Variants in GPHN observed in about 807,000 individuals in gnomAD.
GPHN encodes gephyrin.
A neutral mutation model predicts 95.5 loss-of-function variants in GPHN; 17 were observed. That is an observed-to-expected ratio of 0.18 (90% CI 0.12 to 0.27). The LOEUF is 0.27. Ranked by LOEUF, GPHN falls within the 10% of genes least tolerant of loss-of-function variation. The pLI is 1.00. For synonymous variants in GPHN, 320 were observed against 322.5 expected (o/e 0.99, Z 0.08); for missense variants, 660 against 978.1 (o/e 0.67, Z 4.34).
chr14:66,763,208 AT>A (rs34269319), intron 2 of GPHN, among the ~76,000 whole-genome samples: 2,006 of 145,674 alleles, frequency 0.014, 18 homozygotes, highest in African/African-American at 0.016. Flanking sequence ...TATTACAACT[AT>A]TTTTTTTTTA....
chr14:67,335,686 G>C, the GPHN span: 2 of 152,614 alleles, frequency 1.3e-5, no homozygotes, highest in Admixed American at 1.3e-4. Flanking sequence ...CTTAATAAAG[G>C]TAACCTTCTG....
chr14:67,694,585 T>C, the GPHN span, among the ~76,000 whole-genome samples: 9 of 151,662 alleles, frequency 5.9e-5, no homozygotes, highest in South Asian at 1.5e-3. Context: ...CAACTTTTCA[T>C]TGAGATTCTA....
chr14:67,220,302 G>A, the GPHN span, among the ~76,000 whole-genome samples: 1 of 151,708 alleles, frequency 6.6e-6, no homozygotes, highest in Non-Finnish European at 1.5e-5. Context: ...AGTTATCTGG[G>A]CGTGGTAGTG....
At chr14:67,172,824 C>A (rs1164038742) in intron 21 of GPHN, among the ~76,000 whole-genome samples, 1 of 152,194 alleles carries the variant, frequency 6.6e-6, no homozygotes, top group Non-Finnish European at 1.5e-5. Context: ...CTGCACCTGG[C>A]TGCACAAAGT....
chr14:67,337,908 G>C, the GPHN span: 3 of 152,122 alleles, frequency 2.0e-5, no homozygotes, highest in South Asian at 2.1e-4. Flanking sequence ...ACCCCAAAAT[G>C]CAACAGTTGT....
intron 4 of GPHN, among the ~76,000 whole-genome samples, chr14:66,833,830 C>T (rs549547700): frequency 5.9e-5 from 9 of 152,162 alleles, no homozygotes; most frequent in East Asian, 1.9e-4. Context: ...TCAAGACAAT[C>T]GGAATATGTA....
chr14:66,937,412 CCTT>C (rs978188995), intron 8 of GPHN, among the ~76,000 whole-genome samples: 2 of 149,668 alleles, frequency 1.3e-5, no homozygotes, highest in African/African-American at 2.5e-5. Flanking sequence ...GACTGAGTCT[CCTT>C]CTGTCGCCAG....
intron 1 of GPHN, among the ~76,000 whole-genome samples, chr14:66,599,831 C>T (rs2062150395): frequency 6.6e-6 from 1 of 151,872 alleles, no homozygotes; most frequent in African/African-American, 2.4e-5. Flanking sequence ...ATGTGTATAT[C>T]TATATATCTG....
the GPHN span, among the ~76,000 whole-genome samples, chr14:67,232,912 A>G: frequency 1.3e-5 from 2 of 152,292 alleles, no homozygotes; most frequent in South Asian, 4.1e-4. Context: ...TTTAGTCTAA[A>G]TATTTAGTCA....
In GPHN at chr14:67,072,671, A is replaced by G. The variant is rs147317938; in HGVS notation, c.1144+13885A>G. On this transcript the variant is annotated intron_variant, in intron 11 of 22. Transcript: ENST00000478722. ...ATAAGAATGTAACTTAGTTGCAATA[A>G]TCTTTAATACTTTAACTCAATTTTC... is the stretch of plus-strand genomic sequence containing the variant. Among the ~76,000 whole-genome samples, 757 of 152,228 alleles carry G rather than the reference A, an allele frequency of 5.0e-3. 7 individuals are homozygous for G. The highest frequency in any genetic ancestry group is 0.031 in the Middle Eastern group (9 of 294).
intron 3 of GPHN, among the ~76,000 whole-genome samples, chr14:66,804,534 G>T (rs2060474136): frequency 6.6e-6 from 1 of 152,170 alleles, no homozygotes; most frequent in Non-Finnish European, 1.5e-5. Context: ...ATGAGCTTGG[G>T]TTTATTCAAA....
the GPHN span, among the ~76,000 whole-genome samples, chr14:67,654,888 G>A: frequency 6.6e-6 from 1 of 152,038 alleles, no homozygotes; most frequent in Admixed American, 6.6e-5. Flanking sequence ...AATTAGCCGG[G>A]TGTGGTGGCA....
chr14:67,152,291 A>G (rs1447686537), intron 18 of GPHN, among the ~76,000 whole-genome samples: 4 of 152,204 alleles, frequency 2.6e-5, no homozygotes, highest in Admixed American at 6.5e-5. Flanking sequence ...CATAAATGTC[A>G]TATTTACATA....
chr14:67,260,989 C>A, the GPHN span, among the ~76,000 whole-genome samples: 2 of 152,256 alleles, frequency 1.3e-5, no homozygotes, highest in Admixed American at 6.5e-5. Flanking sequence ...TGGAGTCAAG[C>A]AGACTCCAGG....
rs796915654 is a variant in GPHN, at chr14:66,628,019, A to G, written c.65-53088A>G. Among the ~76,000 whole-genome samples the G allele has an allele frequency of 5.9e-5, 9 of 152,252 alleles. 1 individual carries two copies. Among genetic ancestry groups the G allele is most frequent in the African/African-American group, 2.2e-4 (9 of 41,554 alleles). On this transcript the variant is annotated intron_variant, in intron 1 of 22. Coordinates refer to ENST00000478722, the MANE Select transcript of GPHN (RefSeq NM_020806.5). ...TTTTTATTGTCTTTTTGTGCCCTAA[A>G]AAGAGTCAGTCAGCTCTTGGTAGGG...
chr14:66,775,935 AAGAAGC>A (rs2059365553), intron 2 of GPHN, among the ~76,000 whole-genome samples: 1 of 152,198 alleles, frequency 6.6e-6, no homozygotes, highest in African/African-American at 2.4e-5. Flanking sequence ...TACGTAAAAA[AAGAAGC>A]AGAATCAATG....
At chr14:67,586,316 T>G in the GPHN span, 1 of 1,292,062 alleles carries the variant, frequency 7.7e-7, no homozygotes, top group South Asian at 1.2e-5. Context: ...GGGAACTAAC[T>G]CTGGCCTAGC....
At chr14:66,988,416 G>T (rs2071170121) in intron 9 of GPHN, among the ~76,000 whole-genome samples, 1 of 151,794 alleles carries the variant, frequency 6.6e-6, no homozygotes, top group Non-Finnish European at 1.5e-5. Flanking sequence ...GGATGTGAGG[G>T]GTATATCCTT....
chr14:67,019,708 T>C (rs533715569), intron 9 of GPHN, among the ~76,000 whole-genome samples: 15 of 152,222 alleles, frequency 9.9e-5, no homozygotes, highest in African/African-American at 3.4e-4. Context: ...CACTAACTGG[T>C]GTTACAGTAC....
Sources: allele counts gnomAD v4.1 joint callset (sites outside exome capture counted in the v4.1 genomes callset), GRCh38; gene constraint gnomAD v4.1.1; transcripts MANE v1.5; gene names NCBI Gene and HGNC (gene_info 2026-07-23, HGNC 2026-07-21).